Variants in MYO1H observed in about 807,000 individuals in gnomAD.
MYO1H encodes myosin IH, also known as unconventional myosin-Ih.
MYO1H carries 118 observed loss-of-function variants against 149.3 expected under a neutral mutation model. That is an observed-to-expected ratio of 0.79 (90% CI 0.68 to 0.92). The LOEUF (loss-of-function observed/expected upper bound fraction) is 0.92. Ranked by LOEUF, MYO1H falls within the 40% of genes least tolerant of loss-of-function variation. The pLI, the probability that MYO1H is intolerant of heterozygous loss-of-function variation, is 0.00. For missense variants in MYO1H, 1,212 were observed against 1,280.7 expected, an observed-to-expected ratio of 0.95 and a Z score of 0.82; for synonymous variants, 447 against 465.2, an observed-to-expected ratio of 0.96 and a Z score of 0.50.
chr12:109,393,186 C>T (rs544339963), intron 2 of MYO1H, 145 bp from the exon 3 acceptor site: 9 of 618,246 alleles, frequency 1.5e-5, no homozygotes, highest in Non-Finnish European at 2.3e-5. Context: ...CTCCCTCATA[C>T]ACCTGCCATG....
At chr12:109,380,160 G>T (rs1439019098) in intron 1 of MYO1H, among the ~76,000 whole-genome samples, 4 of 152,034 alleles carry the variant, frequency 2.6e-5, no homozygotes, top group Non-Finnish European at 4.4e-5. Flanking sequence ...CTCCCAAAGT[G>T]CTGGGATTAC....
At chr12:109,424,388 A>G (rs184470063) in intron 16 of MYO1H, among the ~76,000 whole-genome samples, 44 of 152,294 alleles carry the variant, frequency 2.9e-4, no homozygotes, top group Non-Finnish European at 5.4e-4. Flanking sequence ...TCCTGGGCTC[A>G]AGCCATCTTC....
chr12:109,363,435 C>A (rs1315793713), intron 1 of MYO1H, among the ~76,000 whole-genome samples: 1 of 152,174 alleles, frequency 6.6e-6, no homozygotes. Flanking sequence ...GAGCGTCGGC[C>A]GGGCGCGGTG....
chr12:109,318,972 G>GTTTTTTTT, the MYO1H span, among the ~76,000 whole-genome samples: 207 of 77,150 alleles, frequency 2.7e-3, no homozygotes, highest in African/African-American at 3.9e-3. Context: ...TTTTGGTTTT[G>GTTTTTTTT]TTTTTTTTTT....
intron 8 of MYO1H, among the ~76,000 whole-genome samples, 172 bp from the exon 9 acceptor site, chr12:109,406,617 T>C (rs1042676817): frequency 6.6e-6 from 1 of 151,462 alleles, no homozygotes; most frequent in African/African-American, 2.4e-5. Context: ...GCCACTGCAC[T>C]CCAGCCTGGA....
chr12:109,385,298 T>C (rs1166085208), intron 1 of MYO1H, among the ~76,000 whole-genome samples: 2 of 136,112 alleles, frequency 1.5e-5, no homozygotes, highest in Admixed American at 8.3e-5. Flanking sequence ...TTCTTTCTTT[T>C]CTTTTTTTTT....
intron 1 of MYO1H, among the ~76,000 whole-genome samples, chr12:109,385,179 A>G (rs189744310): frequency 6.6e-6 from 1 of 152,356 alleles, no homozygotes; most frequent in Non-Finnish European, 1.5e-5. Flanking sequence ...CAACAGAGAT[A>G]GGATTTGAAC....
intron 3 of MYO1H, among the ~76,000 whole-genome samples, chr12:109,395,988 G>A (rs1249670870): frequency 6.6e-6 from 1 of 151,768 alleles, no homozygotes; most frequent in Non-Finnish European, 1.5e-5. Context: ...GCATAATCTC[G>A]GCTCACTGCA....
intron 16 of MYO1H, among the ~76,000 whole-genome samples, chr12:109,422,267 G>A (rs1566036795): frequency 6.6e-6 from 1 of 152,198 alleles, no homozygotes; most frequent in African/African-American, 2.4e-5. Context: ...CCTCAGGAGT[G>A]TTTTTTCTGC....
At chr12:109,382,016 T>A (rs1253913470) in intron 1 of MYO1H, among the ~76,000 whole-genome samples, 2 of 152,168 alleles carry the variant, frequency 1.3e-5, no homozygotes. Context: ...ACCAAACAGT[T>A]AATAAGGGAA....
At chr12:109,425,008 A>G (rs1871305178) in intron 17 of MYO1H, among the ~76,000 whole-genome samples, 180 bp downstream of exon 17, 1 of 152,030 alleles carries the variant, frequency 6.6e-6, no homozygotes, top group Admixed American at 6.6e-5. Context: ...GGAGCCTCAC[A>G]TCTGTAATCC....
chr12:109,421,838 G>GT (rs1004485319), intron 16 of MYO1H, among the ~76,000 whole-genome samples: 2 of 152,060 alleles, frequency 1.3e-5, no homozygotes, highest in Non-Finnish European at 2.9e-5. Context: ...TGCTGCTGTT[G>GT]TTTTTGAGAC....
chr12:109,376,007 T>G (rs1381170071), intron 1 of MYO1H, among the ~76,000 whole-genome samples: 2 of 152,120 alleles, frequency 1.3e-5, no homozygotes, highest in African/African-American at 4.8e-5. Context: ...AAGAAAGAAA[T>G]AATTTCCTAC....
At chr12:109,314,215 T>C in the MYO1H span, among the ~76,000 whole-genome samples, 1 of 143,184 alleles carries the variant, frequency 7.0e-6, no homozygotes, top group East Asian at 2.0e-4. Flanking sequence ...TTCTTTGTCT[T>C]TTTTTTTTTT....
At chr12:109,360,356 G>A (rs1378587396) in intron 1 of MYO1H, among the ~76,000 whole-genome samples, 1 of 152,180 alleles carries the variant, frequency 6.6e-6, no homozygotes, top group African/African-American at 2.4e-5. Flanking sequence ...AATCAATGCA[G>A]AGATGTGAAC....
At chr12:109,443,618 C>T (rs1235714488) in exon 28 of MYO1H, 1 of 1,613,212 alleles carries the variant, frequency 6.2e-7, no homozygotes, top group African/African-American at 1.3e-5. Context: ...TTGCCAAAAT[C>T]AAGCAGAAAA....
exon 32 of MYO1H, chr12:109,447,507 C>A (rs942026345): frequency 6.5e-6 from 3 of 463,196 alleles, no homozygotes; most frequent in Non-Finnish European, 7.9e-6. Context: ...TTCTCTACCT[C>A]TGTCAAGCTG....
chr12:109,361,838 AAAG>A lies in MYO1H; in HGVS notation c.12+13872_12+13874del, dbSNP rs762137709. Among the ~76,000 whole-genome samples, 632 of 146,636 alleles carry A rather than the reference AAAG, an allele frequency of 4.3e-3. 4 individuals are homozygous for A. Among genetic ancestry groups the A allele is most frequent in the Middle Eastern group, 0.014 (4 of 276 alleles). On this transcript the variant is annotated intron_variant, in intron 1 of 31. Transcript: ENST00000310903. ...CAAAAAAAAAAAAAAAAAAAAAAAA[AAAG>A]AAGAACCACTAACCAGCAAACCCAA... is the stretch of plus-strand genomic sequence containing the variant.
At chr12:109,353,629 C>CA (rs1281893942) in intron 1 of MYO1H, among the ~76,000 whole-genome samples, 1 of 152,062 alleles carries the variant, frequency 6.6e-6, no homozygotes, top group Non-Finnish European at 1.5e-5. Context: ...TACACCCACA[C>CA]ACATGCACAG....
Sources: allele counts gnomAD v4.1 joint callset (sites outside exome capture counted in the v4.1 genomes callset), GRCh38; gene constraint gnomAD v4.1.1; transcripts MANE v1.5; gene names NCBI Gene and HGNC (gene_info 2026-07-23, HGNC 2026-07-21).